Variants in SYCP2L observed in about 807,000 individuals in gnomAD.
The protein encoded by SYCP2L is synaptonemal complex protein 2-like.
SYCP2L carries 98 observed loss-of-function variants against 125.8 expected under a neutral mutation model. The observed-to-expected ratio is 0.78, with a 90% CI of 0.66 to 0.92. SYCP2L has a LOEUF of 0.92. Among genes scored for constraint, SYCP2L ranks in the 40% least tolerant of loss-of-function variants. SYCP2L has a pLI of 0.00. For synonymous variants in SYCP2L, 317 were observed against 325.4 expected (o/e 0.97, Z 0.28); for missense variants, 842 against 936.4 (o/e 0.90, Z 1.32).
At chr6:10,960,249 T>C (rs531366116) in intron 26 of SYCP2L, among the ~76,000 whole-genome samples, 15 of 152,344 alleles carry the variant, frequency 9.8e-5, no homozygotes, top group Admixed American at 4.6e-4. Context: ...ATACATTATT[T>C]GAATAGAAAT....
intron 12 of SYCP2L, 23 bp downstream of exon 12, chr6:10,910,892 T>C (rs746466718): frequency 1.2e-6 from 2 of 1,613,418 alleles, no homozygotes; most frequent in African/African-American, 2.7e-5. Flanking sequence ...CTCTTGGAGG[T>C]CCTGAGGGCG....
chr6:10,961,311 T>A lies in SYCP2L; in HGVS notation c.2262T>A (p.Asn754Lys), dbSNP rs142941160. The part of the protein sequence containing the change: ...LLNQMQLFRL[N>K]KLERFQNLVL... ...CTGCTTTTATGTTTATTAGACTCAATAAACTAGAGCGCTTTCAAAATTTGG... is the reference window on the plus strand; with the variant it reads ...CTGCTTTTATGTTTATTAGACTCAAAAAACTAGAGCGCTTTCAAAATTTGG... Residue 754 changes from asparagine to lysine, a missense_variant, in exon 27 of 30, where the codon AAT (asparagine) becomes AAA (lysine). Transcript: ENST00000283141. 1 of 1,613,992 alleles carries A rather than the reference T, an allele frequency of 6.2e-7. No individual in the cohort carries two copies. The highest frequency in any genetic ancestry group is 2.2e-5 in the East Asian group (1 of 44,868).
chr6:10,952,757 G>A (rs1382219019), intron 23 of SYCP2L, among the ~76,000 whole-genome samples: 2 of 152,082 alleles, frequency 1.3e-5, no homozygotes, highest in African/African-American at 4.8e-5. Flanking sequence ...TGTTTGCCTT[G>A]AGGCTGAAAG....
intron 24 of SYCP2L, among the ~76,000 whole-genome samples, chr6:10,955,501 G>A (rs1225748): frequency 0.92 from 140,386 of 152,236 alleles, 65,205 homozygotes; most frequent in Non-Finnish European, 0.99. Context: ...TCTCTGATAT[G>A]GTTGATAGTT....
intron 14 of SYCP2L, among the ~76,000 whole-genome samples, chr6:10,920,507 G>A (rs768025961): frequency 9.2e-5 from 14 of 152,214 alleles, no homozygotes; most frequent in African/African-American, 1.4e-4. Flanking sequence ...GTGAGACACC[G>A]TGCCTGGCCT....
intron 29 of SYCP2L, among the ~76,000 whole-genome samples, chr6:10,968,791 T>G (rs1012593224): frequency 2.6e-5 from 4 of 152,130 alleles, no homozygotes; most frequent in African/African-American, 9.7e-5. Context: ...CAGCAGCTAC[T>G]AAAGCAAGGG....
At chr6:10,905,849 A>G (rs1780480236) in intron 8 of SYCP2L, among the ~76,000 whole-genome samples, 171 bp from the exon 9 acceptor site, 1 of 152,206 alleles carries the variant, frequency 6.6e-6, no homozygotes, top group South Asian at 2.1e-4. Flanking sequence ...TTAATATATA[A>G]ACTTGAGAAG....
chr6:10,906,275 A>G (rs918172972), intron 9 of SYCP2L, among the ~76,000 whole-genome samples: 7 of 151,880 alleles, frequency 4.6e-5, no homozygotes, highest in Admixed American at 2.0e-4. Flanking sequence ...ACAATTTAGC[A>G]TTTTACCGCA....
intron 5 of SYCP2L, among the ~76,000 whole-genome samples, chr6:10,898,400 C>T (rs1361016811): frequency 6.6e-6 from 1 of 151,956 alleles, no homozygotes; most frequent in Non-Finnish European, 1.5e-5. Context: ...GTAATTTCAG[C>T]TACTTGGGAG....
At chr6:10,960,252 A>C (rs1215397962) in intron 26 of SYCP2L, among the ~76,000 whole-genome samples, 1 of 152,214 alleles carries the variant, frequency 6.6e-6, no homozygotes, top group East Asian at 1.9e-4. Context: ...CATTATTTGA[A>C]TAGAAATTTT....
intron 1 of SYCP2L, among the ~76,000 whole-genome samples, chr6:10,890,057 G>C (rs1345516618): frequency 2.6e-5 from 4 of 152,060 alleles, no homozygotes; most frequent in Non-Finnish European, 4.4e-5. Flanking sequence ...TCTTTTTTCT[G>C]GCTGAAAAGT....
chr6:10,895,630 A>AC (rs2113289165), intron 4 of SYCP2L, among the ~76,000 whole-genome samples: 1 of 150,872 alleles, frequency 6.6e-6, no homozygotes, highest in African/African-American at 2.4e-5. Flanking sequence ...GGAGAACAAA[A>AC]GGGGGGGGTA....
At chr6:10,963,932 A>G in intron 29 of SYCP2L, 89 bp downstream of exon 29, 1 of 950,424 alleles carries the variant, frequency 1.1e-6, no homozygotes. Flanking sequence ...TGCTTTGTTC[A>G]TATGACATTT....
chr6:10,891,194 T>C (rs1561677729), intron 1 of SYCP2L, among the ~76,000 whole-genome samples: 1 of 152,244 alleles, frequency 6.6e-6, no homozygotes, highest in Non-Finnish European at 1.5e-5. Context: ...AAAGCCTTTT[T>C]ACTTCTACTT....
intron 9 of SYCP2L, 133 bp downstream of exon 9, chr6:10,906,187 A>G: frequency 1.9e-6 from 1 of 528,198 alleles, no homozygotes; most frequent in Non-Finnish European, 3.3e-6. Context: ...TTTTAAATTT[A>G]TTTTGAGAGA....
At chr6:10,920,759 G>A (rs1378839760) in intron 14 of SYCP2L, among the ~76,000 whole-genome samples, 2 of 149,470 alleles carry the variant, frequency 1.3e-5, no homozygotes, top group Non-Finnish European at 3.0e-5. Context: ...GGATGTACAG[G>A]TTTGTTACAT....
intron 29 of SYCP2L, among the ~76,000 whole-genome samples, chr6:10,972,215 T>C (rs1366592760): frequency 6.6e-6 from 1 of 152,122 alleles, no homozygotes; most frequent in Non-Finnish European, 1.5e-5. Context: ...AATTACATTA[T>C]TGAGGAAAAA....
At chr6:10,893,724 C>T (rs1190288213) in intron 2 of SYCP2L, 143 bp from the exon 3 acceptor site, 5 of 965,570 alleles carry the variant, frequency 5.2e-6, no homozygotes, top group South Asian at 1.6e-5. Flanking sequence ...TGATTGTTTA[C>T]TATTCAAGAT....
At chr6:10,907,414 A>C in intron 9 of SYCP2L, 128 bp from the exon 10 acceptor site, 1 of 763,836 alleles carries the variant, frequency 1.3e-6, no homozygotes, top group Non-Finnish European at 2.0e-6. Flanking sequence ...TTGCTGTGGT[A>C]ACTTTTTAAG....
Sources: gnomAD v4.1 joint callset for allele counts (sites outside exome capture counted in the v4.1 genomes callset) on GRCh38, gnomAD v4.1.1 for gene constraint, MANE v1.5 for transcripts, NCBI Gene and HGNC (gene_info 2026-07-23, HGNC 2026-07-21) for gene names.